IKZF2: variants seen among roughly 807,000 people sequenced by gnomAD.
IKZF2 encodes the protein zinc finger protein Helios.
A neutral mutation model predicts 49.2 loss-of-function variants in IKZF2; 15 were observed. The ratio of observed to expected loss-of-function variants is 0.30; its 90% CI spans 0.20 to 0.47. The LOEUF (loss-of-function observed/expected upper bound fraction) is 0.47. Ranked by LOEUF, IKZF2 falls within the 20% of genes least tolerant of loss-of-function variation. The pLI is 1.00. For missense variants in IKZF2, 567 were observed against 664.6 expected (o/e 0.85, Z 1.61); for synonymous variants, 227 against 221.4 (o/e 1.03, Z -0.23).
At chr2:213,125,061 C>T (rs2060213890) in intron 4 of IKZF2, among the ~76,000 whole-genome samples, 1 of 152,160 alleles carries the variant, frequency 6.6e-6, no homozygotes, top group South Asian at 2.1e-4. Context: ...ATTTCATTAA[C>T]CCCTGAACTT....
intron 4 of IKZF2, among the ~76,000 whole-genome samples, chr2:213,126,218 A>G (rs1342587190): frequency 1.3e-5 from 2 of 152,110 alleles, no homozygotes; most frequent in African/African-American, 4.8e-5. Flanking sequence ...CCATAACACC[A>G]AAGTTCCAGT....
intron 4 of IKZF2, among the ~76,000 whole-genome samples, chr2:213,080,179 G>GAGATAGAT (rs6147162): frequency 0.085 from 8,231 of 97,158 alleles, 281 homozygotes; most frequent in South Asian, 0.22. Context: ...AATCTATATA[G>GAGATAGAT]AGATAGATAG....
intron 4 of IKZF2, among the ~76,000 whole-genome samples, chr2:213,070,360 G>C (rs113451858): frequency 6.6e-6 from 1 of 152,014 alleles, no homozygotes; most frequent in Non-Finnish European, 1.5e-5. Flanking sequence ...GAATCCTGAA[G>C]AATAGCTTTT....
intron 4 of IKZF2, among the ~76,000 whole-genome samples, chr2:213,090,885 G>A (rs73077263): frequency 0.013 from 1,911 of 152,242 alleles, 35 homozygotes; most frequent in African/African-American, 0.044. Context: ...CAGACTTCCA[G>A]CCTCCAGAAC....
intron 4 of IKZF2, among the ~76,000 whole-genome samples, chr2:213,078,727 C>T (rs1233763273): frequency 1.3e-5 from 2 of 152,134 alleles, no homozygotes; most frequent in African/African-American, 4.8e-5. Flanking sequence ...CTAATTTTGA[C>T]AGTTCTCATT....
chr2:213,013,718 T>C, intron 8 of IKZF2, 73 bp downstream of exon 8: 1 of 1,326,420 alleles, frequency 7.5e-7, no homozygotes, highest in Non-Finnish European at 1.0e-6. Flanking sequence ...CATATATATT[T>C]CTAATACATG....
At chr2:213,015,436 C>T (rs1212542768) in intron 7 of IKZF2, among the ~76,000 whole-genome samples, 1 of 151,824 alleles carries the variant, frequency 6.6e-6, no homozygotes, top group African/African-American at 2.4e-5. Flanking sequence ...AAAGTATGTC[C>T]CAAGATATTA....
chr2:213,070,453 G>C (rs987515037), intron 4 of IKZF2, among the ~76,000 whole-genome samples: 1 of 151,810 alleles, frequency 6.6e-6, no homozygotes, highest in Non-Finnish European at 1.5e-5. Flanking sequence ...GTGTGGACTT[G>C]GGAAGTCACT....
At chr2:213,038,897 T>A (rs1468493770) in intron 6 of IKZF2, among the ~76,000 whole-genome samples, 1 of 152,122 alleles carries the variant, frequency 6.6e-6, no homozygotes, top group Admixed American at 6.5e-5. Context: ...CATGACAAAT[T>A]AAGAGACTAT....
intron 4 of IKZF2, among the ~76,000 whole-genome samples, chr2:213,112,864 G>C (rs1349061733): frequency 6.6e-6 from 1 of 152,014 alleles, no homozygotes; most frequent in Non-Finnish European, 1.5e-5. Flanking sequence ...GGCAATACTA[G>C]CATCTACCTC....
At chr2:213,125,982 C>T (rs979459146) in intron 4 of IKZF2, among the ~76,000 whole-genome samples, 1 of 152,126 alleles carries the variant, frequency 6.6e-6, no homozygotes, top group Non-Finnish European at 1.5e-5. Context: ...ATTGGTAGCA[C>T]AGGAAACTGA....
rs868182712 is a variant in IKZF2 at position 213,016,292 on chromosome 2, G to T, written c.713-2358C>A. ...AGAGATGTTAAGTAATTTCCTCAGG[G>T]TTTACATCTAGTTAGTAGAGAATGT... On this transcript the variant is annotated intron_variant, in intron 7 of 8. Transcript: ENST00000434687. Among the ~76,000 whole-genome samples, 5 of 152,048 alleles carry T rather than the reference G, an allele frequency of 3.3e-5. No individual in the cohort carries two copies. In the East Asian group the frequency reaches 9.6e-4, roughly 29 times the overall value.
chr2:213,044,242 G>A (rs758417393), intron 6 of IKZF2, among the ~76,000 whole-genome samples: 1 of 152,170 alleles, frequency 6.6e-6, no homozygotes, highest in Non-Finnish European at 1.5e-5. Context: ...TTTCAGGCTA[G>A]AGCTAGTAAA....
chr2:213,099,147 T>C (rs990189348), intron 4 of IKZF2, among the ~76,000 whole-genome samples: 1 of 152,166 alleles, frequency 6.6e-6, no homozygotes, highest in African/African-American at 2.4e-5. Flanking sequence ...ATTCATATAC[T>C]GATGAAGATC....
chr2:213,042,130 C>T (rs1699724336), intron 6 of IKZF2, among the ~76,000 whole-genome samples: 2 of 150,050 alleles, frequency 1.3e-5, no homozygotes, highest in South Asian at 4.4e-4. Context: ...GACTTCTAGA[C>T]AGCACATTTT....
At chr2:213,106,790 T>C (rs1204979817) in intron 4 of IKZF2, among the ~76,000 whole-genome samples, 1 of 152,174 alleles carries the variant, frequency 6.6e-6, no homozygotes, top group African/African-American at 2.4e-5. Context: ...CATAACTCTA[T>C]TCTTCATATT....
At chr2:213,081,835 T>G (rs768487930) in intron 4 of IKZF2, among the ~76,000 whole-genome samples, 28 of 152,098 alleles carry the variant, frequency 1.8e-4, no homozygotes, top group Non-Finnish European at 3.5e-4. Flanking sequence ...TGTGACTGTG[T>G]ACTAAACTAG....
At chr2:213,130,036 A>G (rs2060422674) in intron 4 of IKZF2, among the ~76,000 whole-genome samples, 1 of 152,184 alleles carries the variant, frequency 6.6e-6, no homozygotes. Flanking sequence ...TGAGTACCAG[A>G]TGTTTTCTGC....
chr2:213,124,252 GCACACACACA>G (rs66958263), intron 4 of IKZF2, among the ~76,000 whole-genome samples: 7,667 of 135,920 alleles, frequency 0.056, 330 homozygotes, highest in South Asian at 0.082. Context: ...GCGCGCGCGC[GCACACACACA>G]CACACACACA....
Sources: allele counts gnomAD v4.1 joint callset (sites outside exome capture counted in the v4.1 genomes callset), GRCh38; gene constraint gnomAD v4.1.1; transcripts MANE v1.5; gene names NCBI Gene and HGNC (gene_info 2026-07-23, HGNC 2026-07-21).